Variants in DHRSX observed in about 807,000 individuals in gnomAD.
DHRSX encodes the protein dehydrogenase/reductase X-linked, also known as polyprenol dehydrogenase.
A neutral mutation model predicts 34.0 loss-of-function variants in DHRSX; 31 were observed. The ratio of observed to expected loss-of-function variants is 0.91; its 90% confidence interval spans 0.69 to 1.23. The LOEUF (loss-of-function observed/expected upper bound fraction) is 1.23. DHRSX is among the 50% of genes most tolerant of loss of function. DHRSX has a pLI of 0.00. For synonymous variants in DHRSX, 201 were observed against 183.8 expected (o/e 1.09, Z -0.76); for missense variants, 414 against 428.1 (o/e 0.97, Z 0.29).
chrX:2,274,013 G>A (rs2041591744), intron 4 of DHRSX, among the ~76,000 whole-genome samples: 1 of 152,120 alleles, frequency 6.6e-6, no homozygotes, highest in Non-Finnish European at 1.5e-5. Flanking sequence ...GCTACTGCGA[G>A]TAATTACGTT....
At chrX:2,357,700 T>TAAAAAAAAAAAAAAA (rs781233833) in intron 3 of DHRSX, among the ~76,000 whole-genome samples, 3 of 125,164 alleles carry the variant, frequency 2.4e-5, no homozygotes, top group Non-Finnish European at 3.4e-5. Flanking sequence ...CTCAGGAAAT[T>TAAAAAAAAAAAAAAA]AAAAAAAAAA....
At chrX:2,459,522 G>A (rs1393937378) in intron 1 of DHRSX, among the ~76,000 whole-genome samples, 1 of 140,042 alleles carries the variant, frequency 7.1e-6, no homozygotes, top group Non-Finnish European at 1.5e-5. Context: ...ACCATAGAGA[G>A]AGAGAGAGAG....
chrX:2,354,480 G>A (rs1177499278), intron 3 of DHRSX, among the ~76,000 whole-genome samples: 2 of 152,104 alleles, frequency 1.3e-5, no homozygotes, highest in Non-Finnish European at 2.9e-5. Flanking sequence ...TTTTGTTTTT[G>A]AGATGGAATC....
At chrX:2,305,620 G>T (rs1378328245) in intron 3 of DHRSX, among the ~76,000 whole-genome samples, 2 of 152,058 alleles carry the variant, frequency 1.3e-5, no homozygotes, top group Admixed American at 1.3e-4. Context: ...ACTGAATAAA[G>T]AAAATGTGGC....
At chrX:2,364,224 C>A (rs1198165966) in intron 3 of DHRSX, among the ~76,000 whole-genome samples, 2 of 152,064 alleles carry the variant, frequency 1.3e-5, no homozygotes, top group Non-Finnish European at 2.9e-5. Context: ...CCATTGGAGG[C>A]CTTTTTGTTT....
chrX:2,360,000 T>C (rs180955223), intron 3 of DHRSX, among the ~76,000 whole-genome samples: 261 of 152,198 alleles, frequency 1.7e-3, no homozygotes, highest in South Asian at 6.7e-3. Flanking sequence ...GAAATAATCA[T>C]ACAACAAACC....
At chrX:2,347,836 C>G (rs773612159) in intron 3 of DHRSX, among the ~76,000 whole-genome samples, 1 of 152,322 alleles carries the variant, frequency 6.6e-6, no homozygotes, top group South Asian at 2.1e-4. Context: ...GGATGTCATA[C>G]ATGGGACATG....
chrX:2,375,610 G>T (rs1175191114), intron 3 of DHRSX, among the ~76,000 whole-genome samples: 1 of 135,016 alleles, frequency 7.4e-6, no homozygotes, highest in Admixed American at 7.4e-5. Flanking sequence ...TGGTTGGTTG[G>T]TTGGTCGGTT....
At chrX:2,370,439 T>C (rs1284741915) in intron 3 of DHRSX, among the ~76,000 whole-genome samples, 3 of 152,064 alleles carry the variant, frequency 2.0e-5, no homozygotes, top group African/African-American at 7.2e-5. Flanking sequence ...CCCAAAGTGC[T>C]GGGATGACAG....
At chrX:2,440,528 T>C (rs1351455481) in intron 1 of DHRSX, among the ~76,000 whole-genome samples, 2 of 150,430 alleles carry the variant, frequency 1.3e-5, no homozygotes, top group Admixed American at 1.3e-4. Flanking sequence ...ATGTTTTTCT[T>C]TCTTTCTTTT....
At chrX:2,231,709 CCT>C (rs1400878308) in intron 6 of DHRSX, among the ~76,000 whole-genome samples, 25 of 148,346 alleles carry the variant, frequency 1.7e-4, no homozygotes, top group East Asian at 9.9e-4. Context: ...ACTCTCTATT[CCT>C]CTTTTTTTCT....
chrX:2,333,892 A>T (rs955241175), intron 3 of DHRSX, among the ~76,000 whole-genome samples: 5 of 152,276 alleles, frequency 3.3e-5, no homozygotes, highest in East Asian at 3.9e-4. Context: ...AATGATCTCC[A>T]GCTCCATCCA....
intron 5 of DHRSX, 145 bp downstream of exon 5, chrX:2,266,595 A>G (rs2041477368): frequency 1.3e-6 from 1 of 796,926 alleles, no homozygotes. Context: ...CCAAAGCACC[A>G]GTGCTCGGCA....
At chrX:2,453,661 C>T (rs2044256563) in intron 1 of DHRSX, among the ~76,000 whole-genome samples, 1 of 151,968 alleles carries the variant, frequency 6.6e-6, no homozygotes, top group African/African-American at 2.4e-5. Context: ...TAGGGTGAGA[C>T]TGTCTCAAAA....
intron 1 of DHRSX, among the ~76,000 whole-genome samples, chrX:2,431,282 G>A (rs1322471556): frequency 7.3e-6 from 1 of 136,610 alleles, no homozygotes; most frequent in East Asian, 2.2e-4. Flanking sequence ...CCGAGATTGT[G>A]CCACTGCACT....
chrX:2,486,298 A>C (rs1349637973), intron 1 of DHRSX: 1 of 152,156 alleles, frequency 6.6e-6, no homozygotes, highest in East Asian at 1.9e-4. Flanking sequence ...TGCCCTGGAA[A>C]AAGTTGCTTT....
At chrX:2,386,887 T>G (rs1209654563) in intron 3 of DHRSX, among the ~76,000 whole-genome samples, 2 of 151,876 alleles carry the variant, frequency 1.3e-5, no homozygotes, top group Non-Finnish European at 2.9e-5. Flanking sequence ...GTTTTGTTTT[T>G]TTTTTTTTTT....
intron 3 of DHRSX, among the ~76,000 whole-genome samples, chrX:2,322,222 T>C (rs2042320171): frequency 1.3e-5 from 2 of 151,476 alleles, no homozygotes; most frequent in African/African-American, 4.8e-5. Flanking sequence ...ACATACGATG[T>C]TGGTTTTTCA....
chrX:2,333,205 T>G (rs1016920432), intron 3 of DHRSX, among the ~76,000 whole-genome samples: 2 of 152,182 alleles, frequency 1.3e-5, no homozygotes, highest in Non-Finnish European at 2.9e-5. Flanking sequence ...TTTTATAACT[T>G]TAACACCTTT....
Sources: allele counts gnomAD v4.1 joint callset (sites outside exome capture counted in the v4.1 genomes callset), GRCh38; gene constraint gnomAD v4.1.1; transcripts MANE v1.5; gene names NCBI Gene and HGNC (gene_info 2026-07-23, HGNC 2026-07-21).